MTDH: variants seen among roughly 807,000 people sequenced by gnomAD.
MTDH encodes metadherin.
MTDH carries 34 observed loss-of-function variants against 72.7 expected under a neutral mutation model. The observed-to-expected ratio is 0.47, with a 90% CI of 0.36 to 0.62. MTDH has a LOEUF of 0.62. Ranked by LOEUF, MTDH falls within the 20% of genes least tolerant of loss-of-function variation. The pLI, the probability that MTDH is intolerant of heterozygous loss-of-function variation, is 0.00. For missense variants in MTDH, 677 were observed against 699.4 expected (o/e 0.97, Z 0.36); for synonymous variants, 266 against 268.9 (o/e 0.99, Z 0.10).
At chr8:97,688,134 T>C (rs1324631457) in intron 4 of MTDH, among the ~76,000 whole-genome samples, 1 of 152,146 alleles carries the variant, frequency 6.6e-6, no homozygotes, top group Non-Finnish European at 1.5e-5. Flanking sequence ...GTATTAATAT[T>C]TCAGATGTTC....
chr8:97,724,476 T>C (rs989773271), intron 11 of MTDH, 124 bp from the exon 12 acceptor site: 1 of 651,928 alleles, frequency 1.5e-6, no homozygotes, highest in Non-Finnish European at 2.5e-6. Flanking sequence ...GCTTGAAAAC[T>C]TAAACATAAA....
chr8:97,673,614 C>T (rs144154256), intron 2 of MTDH, among the ~76,000 whole-genome samples: 4,271 of 150,058 alleles, frequency 0.028, 138 homozygotes, highest in African/African-American at 0.073. Context: ...GAGCTGAGAT[C>T]GCGCTGTTGC....
intron 6 of MTDH, among the ~76,000 whole-genome samples, chr8:97,694,279 C>A (rs1298635325): frequency 2.6e-5 from 4 of 151,734 alleles, no homozygotes; most frequent in African/African-American, 9.7e-5. Flanking sequence ...CTCACCACAA[C>A]CACCGCCTCT....
chr8:97,715,475 A>G, intron 9 of MTDH, among the ~76,000 whole-genome samples: 1 of 152,244 alleles, frequency 6.6e-6, no homozygotes, highest in East Asian at 1.9e-4. Flanking sequence ...TTAAGGAAAT[A>G]TGTATTCAGT....
rs533940245 is a variant in MTDH, at chr8:97,654,517, G to A, written c.382-6555G>A. 2.4e-3 allele frequency among the ~76,000 whole-genome samples: 364 copies of A among 151,580 alleles called. 16 individuals are homozygous for A. The South Asian group carries it at 0.073, about 31-fold the overall frequency. On this transcript the variant is annotated intron_variant, in intron 1 of 11. Coordinates refer to ENST00000336273, the MANE Select transcript of MTDH (RefSeq NM_178812.4). ...TATAGTCTAACTTATCAACTACAAT[G>A]ATGCCTCTTCTGAATTTCCTAATTT...
chr8:97,709,741 G>A (rs953341681), intron 8 of MTDH, among the ~76,000 whole-genome samples: 2 of 152,198 alleles, frequency 1.3e-5, no homozygotes, highest in African/African-American at 4.8e-5. Context: ...CACAGAAGTT[G>A]TTCACAATTT....
At chr8:97,660,147 G>A (rs374730932) in intron 1 of MTDH, among the ~76,000 whole-genome samples, 48 of 152,134 alleles carry the variant, frequency 3.2e-4, no homozygotes, top group African/African-American at 1.1e-3. Flanking sequence ...CAACAAGAGC[G>A]AAACTCCGTC....
At chr8:97,670,540 C>G (rs1481620599) in intron 2 of MTDH, among the ~76,000 whole-genome samples, 1 of 152,222 alleles carries the variant, frequency 6.6e-6, no homozygotes, top group African/African-American at 2.4e-5. Flanking sequence ...ACGAGAATCA[C>G]TTTAACCCAG....
intron 2 of MTDH, among the ~76,000 whole-genome samples, chr8:97,668,272 G>A (rs1812471656): frequency 6.6e-6 from 1 of 152,058 alleles, no homozygotes; most frequent in African/African-American, 2.4e-5. Flanking sequence ...GGGCGACAAA[G>A]CTAGACTGCA....
At chr8:97,678,658 C>G (rs1357878860) in intron 2 of MTDH, among the ~76,000 whole-genome samples, 1 of 128,242 alleles carries the variant, frequency 7.8e-6, no homozygotes, top group African/African-American at 3.1e-5. Flanking sequence ...AGGCTGGTCT[C>G]GAACTCCTGG....
intron 2 of MTDH, among the ~76,000 whole-genome samples, chr8:97,679,614 T>TA (rs1812990215): frequency 6.6e-6 from 1 of 152,228 alleles, no homozygotes; most frequent in Non-Finnish European, 1.5e-5. Context: ...ATTTAGAAGA[T>TA]ATTCGAAAGA....
At chr8:97,670,819 C>T (rs1320090770) in intron 2 of MTDH, among the ~76,000 whole-genome samples, 1 of 151,546 alleles carries the variant, frequency 6.6e-6, no homozygotes, top group African/African-American at 2.4e-5. Context: ...TGCAATGGTG[C>T]AATCTCGGGT....
At chr8:97,718,982 C>T in intron 9 of MTDH, 67 bp from the exon 10 acceptor site, 1 of 1,439,944 alleles carries the variant, frequency 6.9e-7, no homozygotes, top group African/African-American at 1.4e-5. Context: ...AGCCATACAC[C>T]ACCATAGATT....
chr8:97,672,747 A>T (rs752637573), intron 2 of MTDH, among the ~76,000 whole-genome samples: 3 of 152,206 alleles, frequency 2.0e-5, no homozygotes, highest in Non-Finnish European at 4.4e-5. Context: ...ATGGGATCTC[A>T]TACTGAAATT....
chr8:97,658,913 G>A (rs1248212537), intron 1 of MTDH, among the ~76,000 whole-genome samples: 2 of 152,118 alleles, frequency 1.3e-5, no homozygotes, highest in Admixed American at 6.6e-5. Context: ...GGAGGCTGAG[G>A]CGGGCGGATC....
At position 97,729,990 on chromosome 8, in the gene MTDH, C is replaced by CT. The variant is rs895645896; in HGVS notation, c.*5321dup. On this transcript the variant is annotated 3_prime_UTR_variant, in exon 12 of 12. Transcript: ENST00000336273. ...TTACTATTGTTCTGGTCTAAGTACTCTAACAGGACGATGATTTCTAACCCT... is the reference window on the plus strand; with the variant it reads ...TTACTATTGTTCTGGTCTAAGTACTCTTAACAGGACGATGATTTCTAACCCT... 6.6e-6 allele frequency among the ~76,000 whole-genome samples: 1 copy of CT among 152,194 alleles called. No individual in the cohort carries two copies. The highest frequency in any genetic ancestry group is 6.5e-5 in the Admixed American group (1 of 15,272).
rs114945050 is a variant in MTDH at position 97,659,256 on chromosome 8, C to T, written c.382-1816C>T. The stretch of plus-strand genomic sequence containing the variant: ...TTTTGAGGTTTCTTACCTTTACCCA[C>T]GTACTACCTCCCTCTTCCTTCCTTC... On this transcript the variant is annotated intron_variant, in intron 1 of 11. Coordinates refer to ENST00000336273, the MANE Select transcript of MTDH (RefSeq NM_178812.4). 2.8e-3 allele frequency among the ~76,000 whole-genome samples: 429 copies of T among 152,234 alleles called. 2 individuals are homozygous for T. The highest frequency in any genetic ancestry group is 9.8e-3 in the African/African-American group (407 of 41,564).
chr8:97,709,124 G>A (rs1814512714), intron 8 of MTDH, among the ~76,000 whole-genome samples: 1 of 151,454 alleles, frequency 6.6e-6, no homozygotes, highest in African/African-American at 2.4e-5. Context: ...AACCCGGGAG[G>A]CAGAGGTTAC....
chr8:97,678,262 C>T (rs1485764508), intron 2 of MTDH, among the ~76,000 whole-genome samples: 2 of 152,030 alleles, frequency 1.3e-5, no homozygotes, highest in African/African-American at 4.8e-5. Flanking sequence ...AAACAAAAAC[C>T]ACTGATGGAC....
Sources: gnomAD v4.1 joint callset for allele counts (sites outside exome capture counted in the v4.1 genomes callset) on GRCh38, gnomAD v4.1.1 for gene constraint, MANE v1.5 for transcripts, NCBI Gene and HGNC (gene_info 2026-07-23, HGNC 2026-07-21) for gene names.